HECW1: variants seen among roughly 807,000 people sequenced by gnomAD.
The protein encoded by HECW1 is HECT, C2 and WW domain containing E3 ubiquitin protein ligase 1, also known as E3 ubiquitin-protein ligase HECW1.
A neutral mutation model predicts 182.3 loss-of-function variants in HECW1; 61 were observed. That is an observed-to-expected ratio of 0.33 (90% CI 0.27 to 0.41). The LOEUF is 0.41. Ranked by LOEUF, HECW1 falls within the 10% of genes least tolerant of loss-of-function variation. The pLI, the probability that HECW1 is intolerant of heterozygous loss-of-function variation, is 1.00. For synonymous variants in HECW1, 859 were observed against 832.6 expected (o/e 1.03, Z -0.55); for missense variants, 1,739 against 2,108.9 (o/e 0.82, Z 3.44).
intron 17 of HECW1, among the ~76,000 whole-genome samples, chr7:43,482,766 G>T (rs952916209): frequency 1.3e-5 from 2 of 152,034 alleles, no homozygotes; most frequent in African/African-American, 4.8e-5. Context: ...TTAGTCAGAT[G>T]TGGTGGCGTG....
intron 6 of HECW1, among the ~76,000 whole-genome samples, chr7:43,372,301 T>C (rs894894937): frequency 6.6e-6 from 1 of 152,230 alleles, no homozygotes; most frequent in Non-Finnish European, 1.5e-5. Flanking sequence ...ATTTCACTTA[T>C]CATTCTGTGC....
chr7:43,347,809 G>A (rs529647779), intron 5 of HECW1, among the ~76,000 whole-genome samples: 46 of 152,010 alleles, frequency 3.0e-4, no homozygotes, highest in African/African-American at 1.1e-3. Flanking sequence ...CTGTTTATGT[G>A]GTATATCACA....
intron 29 of HECW1, among the ~76,000 whole-genome samples, chr7:43,555,545 C>T (rs947578385): frequency 4.6e-5 from 7 of 152,214 alleles, no homozygotes; most frequent in South Asian, 2.1e-4. Flanking sequence ...TAATAGGATA[C>T]GTTCGAATTA....
intron 5 of HECW1, among the ~76,000 whole-genome samples, chr7:43,344,676 G>T (rs1300686816): frequency 6.6e-6 from 1 of 151,954 alleles, no homozygotes; most frequent in East Asian, 1.9e-4. Context: ...TATCCTGTGT[G>T]TTTCTTGCTC....
At chr7:43,261,665 C>T (rs1801195606) in intron 3 of HECW1, among the ~76,000 whole-genome samples, 1 of 152,022 alleles carries the variant, frequency 6.6e-6, no homozygotes, top group South Asian at 2.1e-4. Context: ...AACTGGAAAG[C>T]GTTTTGTTCT....
intron 24 of HECW1, among the ~76,000 whole-genome samples, chr7:43,534,050 A>T (rs1333323948): frequency 2.0e-5 from 3 of 152,210 alleles, no homozygotes; most frequent in Non-Finnish European, 4.4e-5. Context: ...ACTGCCAGAA[A>T]TGCCCTACAG....
At chr7:43,318,552 G>C (rs1809633351) in intron 4 of HECW1, among the ~76,000 whole-genome samples, 1 of 152,218 alleles carries the variant, frequency 6.6e-6, no homozygotes, top group African/African-American at 2.4e-5. Context: ...ATTACAAGTA[G>C]GCTTACCAGT....
chr7:43,235,730 C>G (rs1428421007), intron 2 of HECW1, among the ~76,000 whole-genome samples: 1 of 152,036 alleles, frequency 6.6e-6, no homozygotes, highest in African/African-American at 2.4e-5. Flanking sequence ...CAGTGGGTCT[C>G]AGTATTGGGC....
At chr7:43,158,600 G>A (rs1012843820) in intron 2 of HECW1, among the ~76,000 whole-genome samples, 1 of 152,132 alleles carries the variant, frequency 6.6e-6, no homozygotes, top group Non-Finnish European at 1.5e-5. Context: ...CTTTCATGTG[G>A]ATATTCTCCT....
chr7:43,537,578 G>A (rs1469079675), intron 24 of HECW1, among the ~76,000 whole-genome samples: 1 of 152,152 alleles, frequency 6.6e-6, no homozygotes, highest in African/African-American at 2.4e-5. Flanking sequence ...TGCACACACA[G>A]CAATTCATCA....
intron 3 of HECW1, among the ~76,000 whole-genome samples, chr7:43,290,688 C>T (rs988675605): frequency 5.9e-5 from 9 of 152,146 alleles, no homozygotes; most frequent in Admixed American, 3.9e-4. Context: ...TTGACAGGGA[C>T]GTCATAACGT....
intron 3 of HECW1, among the ~76,000 whole-genome samples, chr7:43,253,519 A>T (rs1050650852): frequency 6.6e-6 from 1 of 152,220 alleles, no homozygotes; most frequent in African/African-American, 2.4e-5. Flanking sequence ...TTATTTTATT[A>T]TGGCTGCTGA....
chr7:43,455,142 C>A (rs182817974), intron 12 of HECW1, among the ~76,000 whole-genome samples: 63 of 150,906 alleles, frequency 4.2e-4, no homozygotes, highest in African/African-American at 1.5e-3. Flanking sequence ...TTTTTGTTTT[C>A]TTTTGTTTTT....
intron 16 of HECW1, among the ~76,000 whole-genome samples, chr7:43,479,081 A>G (rs930750767): frequency 2.6e-5 from 4 of 151,988 alleles, no homozygotes; most frequent in African/African-American, 4.8e-5. Context: ...GGTAGGGGAT[A>G]GTTTTAGGAA....
At chr7:43,542,379 T>C (rs2081395701) in intron 26 of HECW1, among the ~76,000 whole-genome samples, 1 of 152,014 alleles carries the variant, frequency 6.6e-6, no homozygotes, top group African/African-American at 2.4e-5. Flanking sequence ...TTTACTTCCC[T>C]TTTAAGACTA....
chr7:43,362,614 A>G (rs1048528808), intron 6 of HECW1, among the ~76,000 whole-genome samples: 5 of 152,240 alleles, frequency 3.3e-5, no homozygotes, highest in Non-Finnish European at 5.9e-5. Flanking sequence ...ACATGTCCTG[A>G]CACCTGTTAG....
At chr7:43,309,923 G>C (rs1205097748) in intron 3 of HECW1, among the ~76,000 whole-genome samples, 1 of 152,126 alleles carries the variant, frequency 6.6e-6, no homozygotes, top group Non-Finnish European at 1.5e-5. Flanking sequence ...TTATTGAGCA[G>C]GTACTGTACT....
intron 24 of HECW1, among the ~76,000 whole-genome samples, chr7:43,539,725 C>A (rs1265237608): frequency 6.6e-6 from 1 of 152,228 alleles, no homozygotes; most frequent in African/African-American, 2.4e-5. Flanking sequence ...TGGTTTGGAT[C>A]ATCTCGGTCA....
At chr7:43,212,635 A>C (rs1189390393) in intron 2 of HECW1, among the ~76,000 whole-genome samples, 1 of 152,228 alleles carries the variant, frequency 6.6e-6, no homozygotes, top group Non-Finnish European at 1.5e-5. Context: ...TAGCAAATTA[A>C]GTAATGAGAA....
Sources: gnomAD v4.1 joint callset for allele counts (sites outside exome capture counted in the v4.1 genomes callset) on GRCh38, gnomAD v4.1.1 for gene constraint, MANE v1.5 for transcripts, NCBI Gene and HGNC (gene_info 2026-07-23, HGNC 2026-07-21) for gene names.